Variants in RNF217 observed in about 807,000 individuals in gnomAD.
RNF217 encodes E3 ubiquitin-protein ligase RNF217.
RNF217 carries 31 observed loss-of-function variants against 57.8 expected under a neutral mutation model. The observed-to-expected ratio is 0.54, with a 90% CI of 0.40 to 0.72. The LOEUF (loss-of-function observed/expected upper bound fraction) is 0.72. Ranked by LOEUF, RNF217 falls within the 30% of genes least tolerant of loss-of-function variation. The pLI, the probability that RNF217 is intolerant of heterozygous loss-of-function variation, is 0.00. For synonymous variants in RNF217, 313 were observed against 294.0 expected, an observed-to-expected ratio of 1.06 and a Z score of -0.66; for missense variants, 696 against 708.3, an observed-to-expected ratio of 0.98 and a Z score of 0.20.
intron 2 of RNF217, among the ~76,000 whole-genome samples, chr6:125,055,747 T>A (rs1787497220): frequency 6.6e-6 from 1 of 152,074 alleles, no homozygotes; most frequent in Non-Finnish European, 1.5e-5. Flanking sequence ...GGAAAAGCAA[T>A]TTTTTTCCTT....
rs146117802 is a variant in RNF217 at position 125,071,344 on chromosome 6, C to T, written c.1282-5313C>T. ...CAGCTGGCAGTCACCCGTGCCATCA[C>T]GAGGGTGAACAACTGATACTCACAG... is the stretch of plus-strand genomic sequence containing the variant. On this transcript the variant is annotated intron_variant, in intron 3 of 5. Transcript: ENST00000521654. Among the ~76,000 whole-genome samples the T allele has an allele frequency of 7.4e-3, 1,124 of 152,236 alleles. 8 individuals carry two copies. The highest frequency in any genetic ancestry group is 0.017 in the South Asian group (83 of 4,824).
At chr6:124,994,084 A>G (rs991030520) in intron 1 of RNF217, among the ~76,000 whole-genome samples, 1 of 152,130 alleles carries the variant, frequency 6.6e-6, no homozygotes, top group Non-Finnish European at 1.5e-5. Context: ...GAAGAGGAAA[A>G]AGCAAGTTTA....
chr6:124,969,360 T>A (rs967413562), intron 1 of RNF217, among the ~76,000 whole-genome samples: 2 of 152,194 alleles, frequency 1.3e-5, no homozygotes, highest in Non-Finnish European at 2.9e-5. Flanking sequence ...CTTAAAAATG[T>A]TTATTTTTTT....
At chr6:125,009,205 A>T in intron 1 of RNF217, 2 of 1,595,186 alleles carry the variant, frequency 1.3e-6, no homozygotes, top group Middle Eastern at 3.4e-4. Context: ...AAAGATAAAG[A>T]GTAGGAGAAT....
intron 1 of RNF217, among the ~76,000 whole-genome samples, chr6:124,992,428 T>G (rs1426383556): frequency 6.6e-6 from 1 of 152,150 alleles, no homozygotes; most frequent in Non-Finnish European, 1.5e-5. Flanking sequence ...GAACATTGAT[T>G]TTAAGAATGT....
rs34412026 is a variant in RNF217, at chr6:125,088,014, C to CTTTTTTTT, written c.*5092_*5099dup. ...AATATGGAAAATAAGTTACAAAATT[C>CTTTTTTTT]TTTTTTTTTTTTTTTTTTTTTTGAG... On this transcript the variant is annotated 3_prime_UTR_variant, in exon 6 of 6. Transcript: ENST00000521654. 1 of 100,856 alleles carries CTTTTTTTT rather than the reference C, an allele frequency of 9.9e-6. No homozygotes were observed. Among genetic ancestry groups the CTTTTTTTT allele is most frequent in the African/African-American group, 4.2e-5 (1 of 24,084 alleles). The allele number at this position is 100,856 out of a possible 1,614,324, so 6.2% of individuals were successfully genotyped here. A position where few individuals can be genotyped will look rare whatever the true frequency, so the allele number is the denominator to read the frequency against.
At chr6:124,990,116 A>G (rs1378278124) in intron 1 of RNF217, among the ~76,000 whole-genome samples, 1 of 152,162 alleles carries the variant, frequency 6.6e-6, no homozygotes, top group East Asian at 1.9e-4. Flanking sequence ...CCTCCTTGAA[A>G]TACTTTCTTC....
rs1445680851 is a variant in RNF217 at position 125,087,020 on chromosome 6, C to G, written c.*4083C>G. 6.6e-6 allele frequency: 1 copy of G among 152,024 alleles called. No homozygotes were observed. The highest frequency in any genetic ancestry group is 1.5e-5 in the Non-Finnish European group (1 of 67,994). The allele number at this position is 152,024 out of a possible 1,614,324, so 9.4% of individuals were successfully genotyped here. On this transcript the variant is annotated 3_prime_UTR_variant, in exon 6 of 6. Transcript: ENST00000521654. ...TTCAACCTCATTTTTCTCCATACCT[C>G]TGCTATTCTAACTATTCCTCTTCAC...
At position 125,037,040 on chromosome 6, in the gene RNF217, T is replaced by G. The variant is rs1786658959; in HGVS notation, c.883-8171T>G. On this transcript the variant is annotated intron_variant, in intron 1 of 5. Transcript: ENST00000521654. ...AGGGTGGCGATTCTTCAAGACTGAT[T>G]TTTTTAATGGATATTAAACCAACAG... Among the ~76,000 whole-genome samples the G allele has an allele frequency of 2.0e-5, 3 of 151,468 alleles. No individual in the cohort carries two copies. In the South Asian group the frequency reaches 6.2e-4, roughly 32 times the overall value.
At chr6:125,019,250 A>G (rs1291936206) in intron 1 of RNF217, among the ~76,000 whole-genome samples, 1 of 152,176 alleles carries the variant, frequency 6.6e-6, no homozygotes, top group Non-Finnish European at 1.5e-5. Flanking sequence ...CTGTTTTTCA[A>G]TCGTAGCTAT....
chr6:125,052,356 G>C (rs990474065), intron 2 of RNF217, among the ~76,000 whole-genome samples: 2 of 134,902 alleles, frequency 1.5e-5, no homozygotes, highest in South Asian at 2.2e-4. Context: ...TTTTGTTTTG[G>C]TCTGCTGTTG....
chr6:125,082,734 A>C, intron 5 of RNF217, 130 bp from the exon 6 acceptor site: 1 of 1,175,074 alleles, frequency 8.5e-7, no homozygotes, highest in Non-Finnish European at 1.2e-6. Context: ...AGAAGTAAAT[A>C]CATTTCATAG....
At chr6:125,017,618 A>G (rs905942732) in intron 1 of RNF217, among the ~76,000 whole-genome samples, 3 of 152,238 alleles carry the variant, frequency 2.0e-5, no homozygotes, top group Non-Finnish European at 4.4e-5. Flanking sequence ...TACTAGGATT[A>G]TCTGTTCTAT....
In RNF217 at chr6:125,083,611, C is replaced by T. The variant is rs1788681475; in HGVS notation, c.*674C>T. 1.3e-5 allele frequency: 2 copies of T among 151,986 alleles called. No individual in the cohort carries two copies. The allele number at this position is 151,986 out of a possible 1,614,324, so 9.4% of individuals were successfully genotyped here. A position where few individuals can be genotyped will look rare whatever the true frequency, so the allele number is the denominator to read the frequency against. On this transcript the variant is annotated 3_prime_UTR_variant, in exon 6 of 6. Transcript: ENST00000521654. Reference sequence around the variant, plus strand: ...CCAGTAACCTTGTACTTACCCAGTTCCATGCCGCTACACTATTTTTCCACA... The same window carrying T: ...CCAGTAACCTTGTACTTACCCAGTTTCATGCCGCTACACTATTTTTCCACA...
intron 3 of RNF217, among the ~76,000 whole-genome samples, chr6:125,073,680 C>T (rs188853976): frequency 6.6e-6 from 1 of 152,254 alleles, no homozygotes; most frequent in Admixed American, 6.5e-5. Context: ...TCTAGGAAAG[C>T]ACTCTCTAGT....
In RNF217 at chr6:124,984,104, G is replaced by A. The variant is rs556395060; in HGVS notation, c.882+20678G>A. On this transcript the variant is annotated intron_variant, in intron 1 of 5. Transcript: ENST00000521654. ...CCTTTGGTGTTACATGAATTTTAGG[G>A]AGAAGCAAACATTCACACCACAGCA... 8.5e-5 allele frequency among the ~76,000 whole-genome samples: 13 copies of A among 152,264 alleles called. No individual in the cohort carries two copies. In the East Asian group the frequency reaches 2.5e-3, roughly 29 times the overall value.
At position 125,034,817 on chromosome 6, in the gene RNF217, T is replaced by G. The variant is rs1363008998; in HGVS notation, c.883-10394T>G. Among the ~76,000 whole-genome samples, 16 of 152,170 alleles carry G rather than the reference T, an allele frequency of 1.1e-4. 1 individual carries two copies. The highest frequency in any genetic ancestry group is 1.5e-5 in the Non-Finnish European group (1 of 68,016). ...TGGCCATTTTCACGATATTGATTCT[T>G]CCTACCCATGAGCATGGAATGTTCT... On this transcript the variant is annotated intron_variant, in intron 1 of 5. Coordinates refer to ENST00000521654, the MANE Select transcript of RNF217 (RefSeq NM_001286398.3).
intron 1 of RNF217, among the ~76,000 whole-genome samples, chr6:125,007,059 A>T (rs28616026): frequency 0.25 from 37,572 of 151,992 alleles, 4,847 homozygotes; most frequent in African/African-American, 0.32. Context: ...GTTCTAGACA[A>T]TTAATTCTGA....
chr6:124,975,959 T>A (rs1467235534), intron 1 of RNF217, among the ~76,000 whole-genome samples: 3 of 152,172 alleles, frequency 2.0e-5, no homozygotes, highest in African/African-American at 7.2e-5. Flanking sequence ...TTTTTCTTCC[T>A]CAAGATATTT....
Sources: gnomAD v4.1 joint callset for allele counts (sites outside exome capture counted in the v4.1 genomes callset) on GRCh38, gnomAD v4.1.1 for gene constraint, MANE v1.5 for transcripts, NCBI Gene and HGNC (gene_info 2026-07-23, HGNC 2026-07-21) for gene names.